TSPAN10: variants seen among roughly 807,000 people sequenced by gnomAD.
TSPAN10 encodes the protein tetraspanin 10.
TSPAN10 carries 11 observed loss-of-function variants against 15.0 expected under a neutral mutation model. The observed-to-expected ratio is 0.73, with a 90% CI of 0.46 to 1.21. The LOEUF is 1.21. Among genes scored for constraint, TSPAN10 ranks in the 50% most tolerant of loss-of-function variants. TSPAN10 has a pLI of 0.00. For synonymous variants in TSPAN10, 241 were observed against 226.2 expected (o/e 1.07, Z -0.59); for missense variants, 486 against 470.6 (o/e 1.03, Z -0.30).
intron 2 of TSPAN10, among the ~76,000 whole-genome samples, chr17:81,646,868 A>G (rs1297081378): frequency 1.4e-5 from 2 of 147,902 alleles, no homozygotes; most frequent in African/African-American, 5.1e-5. Flanking sequence ...TTTTTTTGAG[A>G]CGGAGTCTCC....
chr17:81,645,219 C>T (rs765750575), exon 2 of TSPAN10: 3 of 1,541,416 alleles, frequency 1.9e-6, no homozygotes, highest in Non-Finnish European at 1.7e-6. Context: ...TCCCCTTCTC[C>T]CTGCTGGGGC....
At chr17:81,641,378 G>A (rs560706819), upstream of TSPAN10, among the ~76,000 whole-genome samples, 303 of 152,132 alleles carry the variant, frequency 2.0e-3, no homozygotes, top group African/African-American at 6.8e-3. Context: ...CCACTTCTCC[G>A]AGGAAGATCT....
At chr17:81,647,532 C>T in intron 2 of TSPAN10, 1 of 523,824 alleles carries the variant, frequency 1.9e-6, no homozygotes, top group South Asian at 1.5e-5. Context: ...GAGTTCCATC[C>T]ACCCTCCCCT....
chr17:81,647,794 G>A, intron 2 of TSPAN10, 107 bp from the exon 4 acceptor site: 1 of 1,230,662 alleles, frequency 8.1e-7, no homozygotes, highest in East Asian at 2.5e-5. Context: ...GCATGTGCCT[G>A]TGTGGCCATG....
At chr17:81,637,219 A>G (rs1480414827) in exon 1 of TSPAN10, 2 of 480,564 alleles carry the variant, frequency 4.2e-6, no homozygotes, top group East Asian at 3.4e-5. Flanking sequence ...CTGCAACTGG[A>G]GGAGGGGATT....
chr17:81,645,874 C>T (rs998219607), intron 2 of TSPAN10: 6 of 615,534 alleles, frequency 9.7e-6, no homozygotes, highest in African/African-American at 7.4e-5. Flanking sequence ...TGTGCACACA[C>T]AAAACAGCCT....
Position 81,644,976 on chromosome 17 carries a change from C to T in TSPAN10, c.37-16C>T, listed in dbSNP as rs1434543156. 1 of 1,609,158 alleles carries T rather than the reference C, an allele frequency of 6.2e-7. No homozygotes were observed. Among genetic ancestry groups the T allele is most frequent in the Non-Finnish European group, 8.5e-7 (1 of 1,179,540 alleles). ...TGGGTGAATGCGGTCTCACCCTGTTCCTCTTCCCTCTGCAGGAAACTGCAG... is the reference window on the plus strand; with the variant it reads ...TGGGTGAATGCGGTCTCACCCTGTTTCTCTTCCCTCTGCAGGAAACTGCAG... On this transcript the variant is annotated splice_polypyrimidine_tract_variant and intron_variant, in intron 1 of 2. Transcript: ENST00000611590.
upstream of TSPAN10, among the ~76,000 whole-genome samples, chr17:81,639,336 T>C (rs150105524): frequency 1.1e-3 from 168 of 150,688 alleles, no homozygotes; most frequent in Non-Finnish European, 1.5e-3. Context: ...GCCTCCTGAG[T>C]AGCTGAGATT....
Position 81,642,555 on chromosome 17 carries a change from C to T in TSPAN10, c.36+107C>T. 4 of 1,118,042 alleles carry T rather than the reference C, an allele frequency of 3.6e-6. No individual in the cohort carries two copies. The South Asian group carries it at 4.5e-5, about 13-fold the overall frequency. The allele number at this position is 1,118,042 out of a possible 1,614,324, so 69.3% of individuals were successfully genotyped here. A position where few individuals can be genotyped will look rare whatever the true frequency, so the allele number is the denominator to read the frequency against. On this transcript the variant is annotated intron_variant, in intron 1 of 2. Transcript: ENST00000611590. ...TCACACCCACCCCTGCCCCTGGTGC[C>T]ACCCCACACCTCAATGCTGAGATTG...
At chr17:81,639,251 A>G (rs1287498740), upstream of TSPAN10, 1 of 112,324 alleles carries the variant, frequency 8.9e-6, no homozygotes, top group Non-Finnish European at 1.6e-5. Flanking sequence ...TCTGTCGCCC[A>G]GGTTGGAGTG....
At position 81,648,049 on chromosome 17, in the gene TSPAN10, T is replaced by TA; in HGVS notation, c.824dup (p.Tyr275Ter). The TA allele has an allele frequency of 6.3e-7, 1 of 1,588,910 alleles. No homozygotes were observed. The highest frequency in any genetic ancestry group is 8.5e-7 in the Non-Finnish European group (1 of 1,171,428). Residue 275 changes from tyrosine to a stop codon, truncating the protein, a stop_gained and frameshift_variant, in exon 3 of 3, where the codon TAC (tyrosine) becomes TAAC (stop). Transcript: ENST00000611590. LOFTEE classifies it low-confidence loss of function (END_TRUNC). ...TGCGGACGCAGCTCAGAGAGTGGTG[T>TA]ACCTGGAGGGCTGCGGCCCGCCGCT...
At chr17:81,639,697 A>C (rs1249068616), upstream of TSPAN10, among the ~76,000 whole-genome samples, 1 of 150,550 alleles carries the variant, frequency 6.6e-6, no homozygotes, top group African/African-American at 2.4e-5. Flanking sequence ...CATGCCTGTC[A>C]TCCCAGCGCG....
rs2036276552 is a variant in TSPAN10 at position 81,647,906 on chromosome 17, T to TCAAC, written c.680_681insCAAC (p.Cys229Ter). The stretch of plus-strand genomic sequence containing the variant: ...CGATTCCATGCGCCTTGCAGGTACT[T>TCAAC]TAACTGCAGCTCCCCCGGGGTGCAG... On this transcript the variant is annotated frameshift_variant, in exon 3 of 3. Coordinates refer to ENST00000611590, the Ensembl canonical transcript of TSPAN10. LOFTEE classifies it low-confidence loss of function (END_TRUNC). 3.1e-6 allele frequency: 5 copies of TCAAC among 1,600,354 alleles called. No homozygotes were observed. The highest frequency in any genetic ancestry group is 4.2e-6 in the Non-Finnish European group (5 of 1,177,598).
At chr17:81,639,497 T>C (rs1272933765), upstream of TSPAN10, among the ~76,000 whole-genome samples, 1 of 151,430 alleles carries the variant, frequency 6.6e-6, no homozygotes, top group Non-Finnish European at 1.5e-5. Flanking sequence ...TGAGCCACCA[T>C]GCCCGGCCTG....
At chr17:81,643,609 T>C in intron 1 of TSPAN10, among the ~76,000 whole-genome samples, 2 of 15,612 alleles carry the variant, frequency 1.3e-4, no homozygotes, top group Admixed American at 1.3e-3. Flanking sequence ...AGACTCCGTC[T>C]CAAAAAAAAA....
At chr17:81,648,719 A>G (rs1448926709), downstream of TSPAN10, 2 of 157,950 alleles carry the variant, frequency 1.3e-5, no homozygotes, top group East Asian at 3.6e-4. Flanking sequence ...ATTCGGGTGT[A>G]TCATTCATAC....
intron 1 of TSPAN10, 76 bp downstream of exon 2, chr17:81,642,524 C>T (rs7406636): frequency 0.44 from 657,783 of 1,483,248 alleles, 159,953 homozygotes; most frequent in East Asian, 1. Flanking sequence ...AGTCCCTGGG[C>T]TGGGTTCACA....
In TSPAN10 at chr17:81,642,569, A is replaced by G. The variant is rs1044940952; in HGVS notation, c.36+121A>G. On this transcript the variant is annotated intron_variant, in intron 1 of 2. Coordinates refer to ENST00000611590, the Ensembl canonical transcript of TSPAN10. ...GCCCCTGGTGCCACCCCACACCTCA[A>G]TGCTGAGATTGGGTTGAGGGGGGTG... 8 of 1,006,002 alleles carry G rather than the reference A, an allele frequency of 8.0e-6. No homozygotes were observed. The African/African-American group carries it at 8.1e-5, about 10-fold the overall frequency. The allele number at this position is 1,006,002 out of a possible 1,614,324, so 62.3% of individuals were successfully genotyped here.
upstream of TSPAN10, among the ~76,000 whole-genome samples, chr17:81,639,745 G>A (rs1041903534): frequency 5.3e-5 from 8 of 151,256 alleles, no homozygotes; most frequent in Admixed American, 3.9e-4. Flanking sequence ...TTGAGAGGCC[G>A]AGGCAGGTGG....
Sources: allele counts gnomAD v4.1 joint callset (sites outside exome capture counted in the v4.1 genomes callset), GRCh38; gene constraint gnomAD v4.1.1; transcripts MANE v1.5; gene names NCBI Gene and HGNC (gene_info 2026-07-23, HGNC 2026-07-21).